The following NALCN variants were observed in gnomAD, a reference collection of about 807,000 sequenced individuals.
NALCN encodes sodium leak channel, non-selective.
NALCN carries 111 observed loss-of-function variants against 225.3 expected under a neutral mutation model. The observed-to-expected ratio is 0.49, with a 90% CI of 0.42 to 0.58. NALCN has a LOEUF of 0.58. Among genes scored for constraint, NALCN ranks in the 20% least tolerant of loss-of-function variants. NALCN has a pLI of 0.00. For synonymous variants in NALCN, 764 were observed against 769.0 expected (o/e 0.99, Z 0.11); for missense variants, 1,378 against 2,202.4 (o/e 0.63, Z 7.49).
chr13:101,063,889 C>T (rs988265098), intron 40 of NALCN, among the ~76,000 whole-genome samples: 6 of 152,134 alleles, frequency 3.9e-5, no homozygotes, highest in Admixed American at 2.6e-4. Flanking sequence ...GTGGCATGGA[C>T]CCCTGTGGCA....
intron 18 of NALCN, among the ~76,000 whole-genome samples, chr13:101,122,666 T>C (rs2036035501): frequency 1.3e-5 from 2 of 152,254 alleles, no homozygotes; most frequent in African/African-American, 4.8e-5. Context: ...TATTGGAGAC[T>C]CTTCGCCATC....
Position 101,109,220 on chromosome 13 carries a change from C to T in NALCN, c.2364+1399G>A, listed in dbSNP as rs529460888. On this transcript the variant is annotated intron_variant, in intron 20 of 43. Coordinates refer to ENST00000251127, the MANE Select transcript of NALCN (RefSeq NM_052867.4). ...TGGCTGACTCTGCAGTTCTAAGTTG[C>T]GCAGGCCATATGTTGGATTTGATGG... Among the ~76,000 whole-genome samples, 7 of 152,152 alleles carry T rather than the reference C, an allele frequency of 4.6e-5. No individual in the cohort carries two copies. The East Asian group carries it at 9.7e-4, about 21-fold the overall frequency.
chr13:101,097,285 T>C (rs920119111), intron 27 of NALCN, among the ~76,000 whole-genome samples: 3 of 152,224 alleles, frequency 2.0e-5, no homozygotes, highest in African/African-American at 7.2e-5. Flanking sequence ...TTCCTATATG[T>C]ATCTGAGCTC....
chr13:101,411,585 T>C (rs1161712783), intron 1 of NALCN, among the ~76,000 whole-genome samples: 1 of 152,144 alleles, frequency 6.6e-6, no homozygotes, highest in Non-Finnish European at 1.5e-5. Context: ...CCTGACCTCG[T>C]GATCCACCCA....
At chr13:101,070,033 T>A (rs1282005415) in intron 37 of NALCN, among the ~76,000 whole-genome samples, 1 of 150,802 alleles carries the variant, frequency 6.6e-6, no homozygotes, top group African/African-American at 2.4e-5. Flanking sequence ...ATGTTGATGA[T>A]ATTTTGACCT....
At chr13:101,365,594 T>G (rs1404214598) in intron 6 of NALCN, among the ~76,000 whole-genome samples, 2 of 152,150 alleles carry the variant, frequency 1.3e-5, no homozygotes, top group African/African-American at 4.8e-5. Flanking sequence ...CAACTTTATA[T>G]TATCTCTAAT....
At chr13:101,055,872 C>T (rs1162760227) in intron 43 of NALCN, among the ~76,000 whole-genome samples, 2 of 151,898 alleles carry the variant, frequency 1.3e-5, no homozygotes, top group African/African-American at 4.8e-5. Context: ...ACAGTAAAGG[C>T]GAGGGGGGAT....
chr13:101,275,189 G>T (rs146754753), intron 10 of NALCN, among the ~76,000 whole-genome samples: 1 of 152,168 alleles, frequency 6.6e-6, no homozygotes, highest in African/African-American at 2.4e-5. Flanking sequence ...GGGGAGTCTC[G>T]TTAGGGCTTT....
In NALCN at chr13:101,059,981, ATTGT is replaced by A. The variant is rs750834043; in HGVS notation, c.4756-18_4756-15del. 3 of 1,613,358 alleles carry A rather than the reference ATTGT, an allele frequency of 1.9e-6. No individual in the cohort carries two copies. The highest frequency in any genetic ancestry group is 2.7e-5 in the African/African-American group (2 of 74,866). ...CTGCTGCTGTTTCTATGGAAATGCG[ATTGT>A]TTGTTCAGTAAAATAAGCCCAGCAT... is the stretch of plus-strand genomic sequence containing the variant. On this transcript the variant is annotated splice_polypyrimidine_tract_variant and intron_variant, in intron 41 of 43. Transcript: ENST00000251127.
chr13:101,331,569 G>A (rs1186928027), intron 7 of NALCN, among the ~76,000 whole-genome samples: 1 of 152,028 alleles, frequency 6.6e-6, no homozygotes, highest in Non-Finnish European at 1.5e-5. Context: ...CAGGGTCCCT[G>A]GGTTTTTGGG....
chr13:101,330,695 T>C (rs539611725), intron 7 of NALCN, among the ~76,000 whole-genome samples: 1 of 152,292 alleles, frequency 6.6e-6, no homozygotes. Flanking sequence ...TCATCTTGAA[T>C]TGTAGCTCCC....
intron 15 of NALCN, among the ~76,000 whole-genome samples, chr13:101,157,482 A>G (rs1012770175): frequency 3.3e-5 from 5 of 152,126 alleles, no homozygotes; most frequent in African/African-American, 7.2e-5. Flanking sequence ...GGGATGCCCT[A>G]CCTCTCACTG....
At chr13:101,371,603 T>C (rs1048136064) in intron 6 of NALCN, among the ~76,000 whole-genome samples, 7 of 152,228 alleles carry the variant, frequency 4.6e-5, no homozygotes, top group African/African-American at 1.2e-4. Flanking sequence ...AAATAGCTTA[T>C]AGGAGTTAGT....
At chr13:101,069,623 T>C (rs1273002704) in intron 37 of NALCN, among the ~76,000 whole-genome samples, 1 of 152,134 alleles carries the variant, frequency 6.6e-6, no homozygotes, top group Non-Finnish European at 1.5e-5. Context: ...CATGAAAGAT[T>C]TTTCTGCAGC....
intron 15 of NALCN, among the ~76,000 whole-genome samples, chr13:101,147,782 C>T (rs970670457): frequency 3.3e-5 from 5 of 151,988 alleles, no homozygotes; most frequent in Admixed American, 1.3e-4. Context: ...TAGCTCTATC[C>T]CCACACCGGG....
intron 13 of NALCN, among the ~76,000 whole-genome samples, chr13:101,212,223 T>C (rs1467458535): frequency 6.6e-6 from 1 of 152,140 alleles, no homozygotes; most frequent in Non-Finnish European, 1.5e-5. Context: ...TATTCACCCC[T>C]AAAGACAAAT....
intron 1 of NALCN, among the ~76,000 whole-genome samples, chr13:101,400,910 G>T (rs1401706081): frequency 2.6e-5 from 4 of 151,890 alleles, no homozygotes; most frequent in Admixed American, 2.0e-4. Flanking sequence ...GGTTTTATAA[G>T]TGTTTGACAG....
Position 101,292,585 on chromosome 13 carries a change from T to C in NALCN, c.800-219A>G, listed in dbSNP as rs997289604. Reference sequence around the variant, plus strand: ...CCAGGGTAATTTCAACATCTAACAATAAAATAATTTGATATTATACCTTTA... The same window carrying C: ...CCAGGGTAATTTCAACATCTAACAACAAAATAATTTGATATTATACCTTTA... On this transcript the variant is annotated intron_variant, in intron 7 of 43. Transcript: ENST00000251127. This position sits in a 1 kb window ranked among gnomAD's most constrained non-coding sequence, Gnocchi z 4.3. Among the ~76,000 whole-genome samples the C allele has an allele frequency of 6.6e-6, 1 of 152,138 alleles. No homozygotes were observed. The highest frequency in any genetic ancestry group is 1.5e-5 in the Non-Finnish European group (1 of 68,018).
At chr13:101,115,499 T>C (rs148304392) in intron 18 of NALCN, among the ~76,000 whole-genome samples, 219 of 152,304 alleles carry the variant, frequency 1.4e-3, no homozygotes, top group African/African-American at 4.9e-3. Context: ...CTACAAAATT[T>C]GAGACTTCCA....
Sources: gnomAD v4.1 joint callset for allele counts (sites outside exome capture counted in the v4.1 genomes callset) on GRCh38, gnomAD v4.1.1 for gene constraint, Gnocchi (gnomAD v3.1) non-coding constraint, MANE v1.5 for transcripts, NCBI Gene and HGNC (gene_info 2026-07-23, HGNC 2026-07-21) for gene names.